Variants in ABCB11 observed in about 807,000 individuals in gnomAD.
The protein encoded by ABCB11 is bile salt export pump.
In ABCB11, 95 loss-of-function variants were observed where a neutral mutation model predicts 148.0. That is an observed-to-expected ratio of 0.64 (90% CI 0.54 to 0.76). The LOEUF is 0.76. Ranked by LOEUF, ABCB11 falls within the 30% of genes least tolerant of loss-of-function variation. ABCB11 has a pLI of 0.00. For synonymous variants in ABCB11, 591 were observed against 555.4 expected, an observed-to-expected ratio of 1.06 and a Z score of -0.90; for missense variants, 1,523 against 1,617.8, an observed-to-expected ratio of 0.94 and a Z score of 1.01.
intron 26 of ABCB11, 123 bp downstream of exon 26, chr2:168,927,033 T>C (rs1691343649): frequency 2.1e-6 from 2 of 968,480 alleles, no homozygotes; most frequent in Non-Finnish European, 3.1e-6. Context: ...CAAAAATTTT[T>C]GAATTTTGGA....
At chr2:169,030,909 AT>A (rs1357198267) in intron 1 of ABCB11, among the ~76,000 whole-genome samples, 1 of 152,176 alleles carries the variant, frequency 6.6e-6, no homozygotes, top group East Asian at 1.9e-4. Context: ...GCCCACTGGT[AT>A]TTTTACTTTG....
At chr2:169,008,925 G>T (rs865776245) in intron 5 of ABCB11, among the ~76,000 whole-genome samples, 3 of 152,122 alleles carry the variant, frequency 2.0e-5, no homozygotes, top group Non-Finnish European at 4.4e-5. Context: ...TACATAACAT[G>T]TATTATATCC....
intron 11 of ABCB11, 65 bp downstream of exon 11, chr2:168,979,801 T>A: frequency 1.1e-6 from 1 of 924,706 alleles, no homozygotes; most frequent in South Asian, 1.7e-5. Context: ...TCTTCAGGAG[T>A]TCATTCTGTG....
At chr2:168,940,562 TA>T (rs1434062965) in intron 21 of ABCB11, among the ~76,000 whole-genome samples, 1 of 152,064 alleles carries the variant, frequency 6.6e-6, no homozygotes, top group Non-Finnish European at 1.5e-5. Context: ...CTCCACAATG[TA>T]AAAGTGCAAG....
chr2:169,020,645 A>G (rs1354572424), intron 1 of ABCB11, among the ~76,000 whole-genome samples: 7 of 148,710 alleles, frequency 4.7e-5, no homozygotes, highest in Admixed American at 4.7e-4. Flanking sequence ...ATACTGTATG[A>G]TTCCATTTAC....
rs1693484380 is a variant in ABCB11, at chr2:168,969,677, G to A, written c.1810-126C>T. ...CCCTGGGAATATTCTTAAATAGGCTGTGCAGACATTAGAAAAGGCCAGCAC... is the reference window on the plus strand; with the variant it reads ...CCCTGGGAATATTCTTAAATAGGCTATGCAGACATTAGAAAAGGCCAGCAC... On this transcript the variant is annotated intron_variant, in intron 15 of 27. Coordinates refer to ENST00000650372, the MANE Select transcript of ABCB11 (RefSeq NM_003742.4). 4.6e-6 allele frequency: 4 copies of A among 864,282 alleles called. No homozygotes were observed. In the South Asian group the frequency reaches 5.5e-5, roughly 12 times the overall value. 53.5% of individuals were successfully genotyped at this position (864,282 alleles called of 1,614,324 possible).
At chr2:168,991,835 CTT>C (rs72146229) in intron 8 of ABCB11, among the ~76,000 whole-genome samples, 4,463 of 128,184 alleles carry the variant, frequency 0.035, 92 homozygotes, top group African/African-American at 0.071. Context: ...GAAAGTGAGG[CTT>C]TTTTTTTTTT....
At chr2:168,981,235 T>G (rs1694126351) in intron 10 of ABCB11, among the ~76,000 whole-genome samples, 1 of 152,112 alleles carries the variant, frequency 6.6e-6, no homozygotes, top group African/African-American at 2.4e-5. Context: ...CAGTAACCTC[T>G]TCATTCCACA....
chr2:168,933,748 T>TTTTTG (rs71003064), intron 23 of ABCB11, among the ~76,000 whole-genome samples: 104,374 of 151,044 alleles, frequency 0.69, 36,378 homozygotes, highest in East Asian at 0.97. Flanking sequence ...GTAGTTCCAC[T>TTTTTG]TTTTGTTTTG....
At position 169,020,802 on chromosome 2, in the gene ABCB11, A is replaced by G. The variant is rs376100028; in HGVS notation, c.-27-2650T>C. 5.3e-5 allele frequency among the ~76,000 whole-genome samples: 8 copies of G among 152,106 alleles called. No homozygotes were observed. The East Asian group carries it at 1.3e-3, about 26-fold the overall frequency. On this transcript the variant is annotated intron_variant, in intron 1 of 27. Transcript: ENST00000650372. ...CTTTTGGGGATGAAGAAAATGTTCTAAAGTTAGATTATGGTGATGGTCGCA... is the reference window on the plus strand; with the variant it reads ...CTTTTGGGGATGAAGAAAATGTTCTGAAGTTAGATTATGGTGATGGTCGCA...
At chr2:168,963,308 A>G (rs183389860) in intron 18 of ABCB11, among the ~76,000 whole-genome samples, 9 of 151,870 alleles carry the variant, frequency 5.9e-5, no homozygotes, top group African/African-American at 2.2e-4. Flanking sequence ...TTCAAACACA[A>G]ATAAGGTGTA....
At chr2:168,926,130 G>A (rs749269925) in intron 26 of ABCB11, among the ~76,000 whole-genome samples, 1 of 152,168 alleles carries the variant, frequency 6.6e-6, no homozygotes, top group Non-Finnish European at 1.5e-5. Flanking sequence ...AGTAAGTAGA[G>A]AAGGTTAAAG....
rs754342321 is a variant in ABCB11 at position 169,013,280 on chromosome 2, T to C, written c.381A>G (p.Thr127=). ...SSLNQNMTNG[T]RCGLLNIESE... ...AAACAAAAACAACCTACCCACAACG[T>C]GTTCCATTTGTCATGTTCTGGTTGA... is the stretch of plus-strand genomic sequence containing the variant. Residue 127 remains threonine, a synonymous_variant, in exon 5 of 28, where the codon ACA becomes ACG. Transcript: ENST00000650372. The C allele has an allele frequency of 1.9e-6, 3 of 1,606,974 alleles. No homozygotes were observed. Among genetic ancestry groups the C allele is most frequent in the Non-Finnish European group, 8.5e-7 (1 of 1,175,254 alleles).
chr2:168,931,061 G>C (rs1691547721), intron 24 of ABCB11, among the ~76,000 whole-genome samples, 199 bp from the exon 25 acceptor site: 1 of 152,088 alleles, frequency 6.6e-6, no homozygotes, highest in Admixed American at 6.5e-5. Flanking sequence ...GGAAGGCTTG[G>C]GCAACGAAAT....
downstream of ABCB11, among the ~76,000 whole-genome samples, chr2:168,916,113 C>A (rs886330715): frequency 6.6e-6 from 1 of 152,214 alleles, no homozygotes; most frequent in African/African-American, 2.4e-5. Flanking sequence ...AAACTCTGCT[C>A]ATTTCTTACT....
At chr2:169,004,500 C>T (rs1428453466) in intron 5 of ABCB11, among the ~76,000 whole-genome samples, 2 of 152,078 alleles carry the variant, frequency 1.3e-5, no homozygotes, top group Non-Finnish European at 2.9e-5. Context: ...CTAAGTGTGT[C>T]CTTGATTTCC....
At chr2:168,931,899 A>G (rs1437263651) in intron 24 of ABCB11, among the ~76,000 whole-genome samples, 1 of 152,228 alleles carries the variant, frequency 6.6e-6, no homozygotes, top group Non-Finnish European at 1.5e-5. Context: ...GAACCCATAT[A>G]CAGCAGGAAT....
chr2:168,970,745 A>G (rs550153798), intron 14 of ABCB11, among the ~76,000 whole-genome samples: 40 of 152,178 alleles, frequency 2.6e-4, no homozygotes, highest in African/African-American at 9.1e-4. Context: ...TATCTTGCTT[A>G]TTACTAACCA....
chr2:168,951,315 T>A (rs1692557771), intron 19 of ABCB11, among the ~76,000 whole-genome samples: 1 of 151,734 alleles, frequency 6.6e-6, no homozygotes, highest in Non-Finnish European at 1.5e-5. Flanking sequence ...TTGATAGTGA[T>A]TGCATTGAAT....
Sources: allele counts gnomAD v4.1 joint callset (sites outside exome capture counted in the v4.1 genomes callset), GRCh38; gene constraint gnomAD v4.1.1; transcripts MANE v1.5; gene names NCBI Gene and HGNC (gene_info 2026-07-23, HGNC 2026-07-21).